Variants in AFF3 observed in about 807,000 individuals in gnomAD.
The protein encoded by AFF3 is ALF transcription elongation factor 3.
In AFF3, 32 loss-of-function variants were observed where a neutral mutation model predicts 129.7. The observed-to-expected ratio is 0.25, with a 90% CI of 0.19 to 0.33. The LOEUF is 0.33. Among genes scored for constraint, AFF3 ranks in the 10% least tolerant of loss-of-function variants. AFF3 has a pLI of 1.00. For missense variants in AFF3, 1,373 were observed against 1,592.0 expected (o/e 0.86, Z 2.34); for synonymous variants, 644 against 635.4 (o/e 1.01, Z -0.20).
chr2:100,009,043 C>T, intron 4 of AFF3, 111 bp from the exon 5 acceptor site: 2 of 1,396,264 alleles, frequency 1.4e-6, no homozygotes, highest in Non-Finnish European at 1.9e-6. Flanking sequence ...ATGGTGATGA[C>T]AACAAGAACA....
At chr2:100,069,778 C>T (rs374455601) in intron 4 of AFF3, among the ~76,000 whole-genome samples, 24 of 152,238 alleles carry the variant, frequency 1.6e-4, no homozygotes, top group African/African-American at 5.5e-4. Context: ...ATCATCAACA[C>T]GCATTTAAAA....
intron 12 of AFF3, among the ~76,000 whole-genome samples, chr2:99,662,914 A>T (rs1445305603): frequency 1.3e-5 from 2 of 152,204 alleles, no homozygotes; most frequent in Non-Finnish European, 2.9e-5. Context: ...GATTCTATTT[A>T]TTCAGACTTG....
chr2:99,996,527 ATTTTTTT>A (rs756231548), intron 7 of AFF3, among the ~76,000 whole-genome samples: 1,694 of 114,104 alleles, frequency 0.015, 25 homozygotes, highest in African/African-American at 0.05. Flanking sequence ...CGCCCGGCTA[ATTTTTTT>A]TTTTTTTTTT....
chr2:99,995,154 A>G (rs1680721405), intron 7 of AFF3, among the ~76,000 whole-genome samples: 1 of 152,162 alleles, frequency 6.6e-6, no homozygotes, highest in African/African-American at 2.4e-5. Context: ...GGAAGGACAG[A>G]GCATTTTAAC....
intron 7 of AFF3, among the ~76,000 whole-genome samples, chr2:99,879,913 C>G (rs13410581): frequency 0.054 from 8,183 of 152,114 alleles, 729 homozygotes; most frequent in African/African-American, 0.19. Flanking sequence ...AATATAAAAA[C>G]AGTTAAAAAC....
At chr2:99,963,019 CGAA>C (rs1677387864) in intron 7 of AFF3, among the ~76,000 whole-genome samples, 1 of 151,532 alleles carries the variant, frequency 6.6e-6, no homozygotes, top group Admixed American at 6.6e-5. Context: ...GACCTCAAGA[CGAA>C]GAAAAAACCT....
rs764331088 is a variant in AFF3, at chr2:99,749,022, C to CTG, written c.1002+3197_1002+3198dup. On this transcript the variant is annotated intron_variant, in intron 9 of 24. Coordinates refer to ENST00000672756, the MANE Select transcript of AFF3 (RefSeq NM_001386135.1). ...TAGTTCACGCAGTACAATGTCTATG[C>CTG]TGTGTGTGTGTGTACACATATGTGT... is the stretch of plus-strand genomic sequence containing the variant. 1.6e-4 allele frequency among the ~76,000 whole-genome samples: 25 copies of CTG among 151,812 alleles called. No homozygotes were observed. In the East Asian group the frequency reaches 4.3e-3, roughly 26 times the overall value.
chr2:99,626,748 G>A (rs888071330), intron 13 of AFF3, among the ~76,000 whole-genome samples: 1 of 152,064 alleles, frequency 6.6e-6, no homozygotes, highest in African/African-American at 2.4e-5. Context: ...CAACTGACAG[G>A]CCCCAGTGTC....
At chr2:99,608,088 C>T (rs1254493126) in intron 13 of AFF3, among the ~76,000 whole-genome samples, 4 of 152,194 alleles carry the variant, frequency 2.6e-5, no homozygotes, top group Admixed American at 6.5e-5. Flanking sequence ...AGGGTCTGGT[C>T]TCAATCAGAT....
At chr2:99,999,090 T>G (rs963834898) in intron 7 of AFF3, among the ~76,000 whole-genome samples, 4 of 152,110 alleles carry the variant, frequency 2.6e-5, no homozygotes, top group African/African-American at 9.7e-5. Flanking sequence ...CTTCTGCTCA[T>G]GAAAATCAAA....
intron 13 of AFF3, among the ~76,000 whole-genome samples, chr2:99,618,176 C>T (rs891221692): frequency 2.6e-5 from 4 of 150,966 alleles, no homozygotes; most frequent in Middle Eastern, 3.5e-3. Flanking sequence ...AAAGTGACAA[C>T]CTCATAGTGT....
intron 7 of AFF3, among the ~76,000 whole-genome samples, chr2:99,907,864 C>T (rs996189047): frequency 6.6e-6 from 1 of 152,112 alleles, no homozygotes; most frequent in Non-Finnish European, 1.5e-5. Flanking sequence ...TCACTGTATC[C>T]TTTTTGTCCC....
In AFF3 at chr2:99,945,910, C is replaced by G. The variant is rs116649177; in HGVS notation, c.873+60722G>C. ...GGATGTGACAGAGAGATCCAGCACACCCAGCAGAAGTCTGGATGATGCTCT... is the reference window on the plus strand; with the variant it reads ...GGATGTGACAGAGAGATCCAGCACAGCCAGCAGAAGTCTGGATGATGCTCT... On this transcript the variant is annotated intron_variant, in intron 7 of 24. Transcript: ENST00000672756. 5.3e-3 allele frequency among the ~76,000 whole-genome samples: 810 copies of G among 152,302 alleles called. 7 individuals carry two copies. Among genetic ancestry groups the G allele is most frequent in the African/African-American group, 0.019 (770 of 41,576 alleles).
chr2:99,947,214 G>C (rs1675657226), intron 7 of AFF3, among the ~76,000 whole-genome samples: 1 of 152,178 alleles, frequency 6.6e-6, no homozygotes, highest in African/African-American at 2.4e-5. Context: ...GCTGTGGTGG[G>C]CAGATCACTT....
intron 12 of AFF3, among the ~76,000 whole-genome samples, chr2:99,649,996 T>C (rs934102673): frequency 2.6e-5 from 4 of 152,224 alleles, no homozygotes; most frequent in East Asian, 1.9e-4. Flanking sequence ...CTGAAATCAC[T>C]TTCCCATTGC....
intron 12 of AFF3, among the ~76,000 whole-genome samples, chr2:99,664,460 A>G (rs988028288): frequency 1.3e-5 from 2 of 152,242 alleles, no homozygotes; most frequent in African/African-American, 4.8e-5. Flanking sequence ...TTGTAGTTTC[A>G]ATATAGCTTG....
At chr2:99,606,259 T>TA (rs555940489) in intron 13 of AFF3, among the ~76,000 whole-genome samples, 6 of 151,982 alleles carry the variant, frequency 3.9e-5, no homozygotes, top group Non-Finnish European at 5.9e-5. Flanking sequence ...CAAGGCCCTG[T>TA]AAAAAAAATA....
chr2:100,127,054 A>G (rs781683061), intron 2 of AFF3, among the ~76,000 whole-genome samples: 11 of 152,288 alleles, frequency 7.2e-5, no homozygotes, highest in Non-Finnish European at 1.3e-4. Context: ...CATTATATGC[A>G]TCATTCCATC....
intron 7 of AFF3, among the ~76,000 whole-genome samples, chr2:99,927,365 G>C (rs1696325449): frequency 6.6e-6 from 1 of 152,072 alleles, no homozygotes; most frequent in South Asian, 2.1e-4. Flanking sequence ...AAGAAAATGT[G>C]GCACATATAC....
Sources: allele counts gnomAD v4.1 joint callset (sites outside exome capture counted in the v4.1 genomes callset), GRCh38; gene constraint gnomAD v4.1.1; transcripts MANE v1.5; gene names NCBI Gene and HGNC (gene_info 2026-07-23, HGNC 2026-07-21).